Variants in RELB observed in about 807,000 individuals in gnomAD.
RELB encodes transcription factor RelB.
A neutral mutation model predicts 55.4 loss-of-function variants in RELB; 14 were observed. The ratio of observed to expected loss-of-function variants is 0.25; its 90% CI spans 0.17 to 0.40. The LOEUF is 0.40. Among genes scored for constraint, RELB ranks in the 10% least tolerant of loss-of-function variants. The probability of loss-of-function intolerance (pLI) is 1.00; values close to 1 mark genes in which losing one functional copy is unlikely to be tolerated. For missense variants in RELB, 669 were observed against 830.7 expected (o/e 0.81, Z 2.39); for synonymous variants, 409 against 371.3 (o/e 1.10, Z -1.17).
At position 45,012,047 on chromosome 19, in the gene RELB, C is replaced by G; in HGVS notation, c.275C>G (p.Thr92Arg). Residue 92 changes from threonine to arginine, a missense_variant, in exon 4 of 12, where the codon ACG (threonine) becomes AGG (arginine). This residue lies in a region of RELB where 323 missense variants were observed against 368.5 expected (regional missense o/e 0.88). Coordinates refer to ENST00000221452, the MANE Select transcript of RELB (RefSeq NM_006509.4). Reference protein sequence around the residue: ...LVSRGAASLSTVTLGPVAPPA... With the variant: ...LVSRGAASLSRVTLGPVAPPA... Reference sequence around the variant, plus strand: ...TCTCGCGGGGCTGCGTCCCTGAGCACGGTCACCCTGGGCCCTGTGGCGCCC... The same window carrying G: ...TCTCGCGGGGCTGCGTCCCTGAGCAGGGTCACCCTGGGCCCTGTGGCGCCC... 1 of 1,566,318 alleles carries G rather than the reference C, an allele frequency of 6.4e-7. No individual in the cohort carries two copies. Among genetic ancestry groups the G allele is most frequent in the Non-Finnish European group, 8.6e-7 (1 of 1,159,504 alleles).
At chr19:45,016,735 T>C (rs1971424754) in intron 4 of RELB, among the ~76,000 whole-genome samples, 1 of 152,168 alleles carries the variant, frequency 6.6e-6, no homozygotes, top group African/African-American at 2.4e-5. Context: ...TGCATGCCTG[T>C]AAGCCCAGAT....
At chr19:45,016,608 G>A (rs1202879511) in intron 4 of RELB, among the ~76,000 whole-genome samples, 1 of 152,104 alleles carries the variant, frequency 6.6e-6, no homozygotes, top group East Asian at 1.9e-4. Context: ...GGGTATTACA[G>A]TTATGGGAAA....
At chr19:45,005,467 T>C (rs1971271288) in intron 2 of RELB, among the ~76,000 whole-genome samples, 1 of 152,182 alleles carries the variant, frequency 6.6e-6, no homozygotes. Flanking sequence ...TCTGGAGATA[T>C]AATCTTGGGA....
At chr19:45,012,303 G>A in intron 4 of RELB, 27 bp downstream of exon 4, 2 of 1,341,506 alleles carry the variant, frequency 1.5e-6, no homozygotes, top group South Asian at 1.8e-5. Flanking sequence ...GCCCCGGGCG[G>A]GTGGGACTGG....
intron 2 of RELB, chr19:45,003,639 T>C: frequency 5.8e-6 from 3 of 515,800 alleles, no homozygotes; most frequent in Non-Finnish European, 1.2e-5. Context: ...CCTCCCTGTG[T>C]GAATGTCTGC....
intron 3 of RELB, among the ~76,000 whole-genome samples, chr19:45,010,585 C>T (rs967478759): frequency 8.5e-5 from 13 of 152,092 alleles, no homozygotes; most frequent in African/African-American, 2.4e-4. Flanking sequence ...AGATAACATA[C>T]GAGCTGAGAC....
At chr19:45,020,312 G>T (rs1056489741) in intron 4 of RELB, among the ~76,000 whole-genome samples, 3 of 147,922 alleles carry the variant, frequency 2.0e-5, no homozygotes, top group Non-Finnish European at 3.0e-5. Context: ...CAACTTCCAC[G>T]TCTCAGGCTT....
At chr19:45,034,089 G>A (rs1398633634) in intron 9 of RELB, among the ~76,000 whole-genome samples, 155 bp from the exon 10 acceptor site, 1 of 152,028 alleles carries the variant, frequency 6.6e-6, no homozygotes, top group Admixed American at 6.6e-5. Flanking sequence ...AACCTGGCAG[G>A]CAGAGGTTGC....
At chr19:45,035,575 C>T (rs980559682) in intron 11 of RELB, among the ~76,000 whole-genome samples, 1 of 151,994 alleles carries the variant, frequency 6.6e-6, no homozygotes, top group Non-Finnish European at 1.5e-5. Context: ...CGCCTGTAAT[C>T]CCAGCACTTT....
Position 45,011,973 on chromosome 19 carries a change from C to G in RELB, c.201C>G (p.Gly67=), listed in dbSNP as rs772255221. The change falls in exon 4 of 12, where the codon GGC becomes GGG. Residue 67 remains glycine, a synonymous_variant. Transcript: ENST00000221452. The part of the protein sequence containing the change: ...IDEYIKENGF[G]LDGGQPGPGE... ...AGTACATCAAGGAGAACGGCTTCGG[C>G]CTGGACGGGGGACAGCCGGGCCCGG... The G allele has an allele frequency of 6.4e-6, 10 of 1,566,076 alleles. No individual in the cohort carries two copies. The highest frequency in any genetic ancestry group is 7.7e-6 in the Non-Finnish European group (9 of 1,162,052).
At chr19:45,032,947 G>A (rs1402315069) in intron 9 of RELB, among the ~76,000 whole-genome samples, 198 bp downstream of exon 9, 1 of 152,166 alleles carries the variant, frequency 6.6e-6, no homozygotes, top group Non-Finnish European at 1.5e-5. Flanking sequence ...GTGCAAAATG[G>A]AAATAATAGT....
rs1028634671 is a variant in RELB, at chr19:45,021,996, T to C, written c.505-57T>C. 4 of 1,530,800 alleles carry C rather than the reference T, an allele frequency of 2.6e-6. No individual in the cohort carries two copies. In the African/African-American group the frequency reaches 5.5e-5, roughly 21 times the overall value. The allele number at this position is 1,530,800 out of a possible 1,614,324, so 94.8% of individuals were successfully genotyped here. ...GCTGCCAAGGAAGGCCCCAAGGAGT[T>C]TGGATGGACGCAGGCATCGGTGATG... On this transcript the variant is annotated intron_variant, in intron 4 of 11. Coordinates refer to ENST00000221452, the MANE Select transcript of RELB (RefSeq NM_006509.4).
At chr19:45,023,550 G>C (rs575321102) in intron 5 of RELB, among the ~76,000 whole-genome samples, 2 of 151,564 alleles carry the variant, frequency 1.3e-5, no homozygotes, top group East Asian at 3.9e-4. Context: ...TGATTCTCCT[G>C]CCTCAGCCTC....
At chr19:45,003,743 T>C (rs1971244229) in intron 2 of RELB, among the ~76,000 whole-genome samples, 1 of 151,586 alleles carries the variant, frequency 6.6e-6, no homozygotes, top group Non-Finnish European at 1.5e-5. Context: ...GAGTATTCAA[T>C]GAATTGATAC....
intron 2 of RELB, among the ~76,000 whole-genome samples, chr19:45,005,517 CG>C (rs1158114974): frequency 2.0e-5 from 3 of 152,080 alleles, no homozygotes; most frequent in African/African-American, 7.2e-5. Context: ...GAAGTGAGGC[CG>C]GTTCCCCAAC....
At chr19:45,014,665 G>A (rs943423256) in intron 4 of RELB, among the ~76,000 whole-genome samples, 15 of 150,284 alleles carry the variant, frequency 1.0e-4, no homozygotes, top group African/African-American at 3.7e-4. Context: ...TTACAGGCAC[G>A]CGCCATGATG....
intron 4 of RELB, among the ~76,000 whole-genome samples, chr19:45,021,193 G>A (rs780155465): frequency 6.6e-6 from 1 of 151,722 alleles, no homozygotes; most frequent in African/African-American, 2.4e-5. Context: ...TTTAAAAAAG[G>A]CCAGGCACGG....
Position 45,032,402 on chromosome 19 carries a change from G to C in RELB, c.992-132G>C, listed in dbSNP as rs35154075. The C allele has an allele frequency of 6.7e-3, 4,594 of 688,742 alleles. 167 individuals are homozygous for C. In the African/African-American group the frequency reaches 0.075, roughly 11 times the overall value. 42.7% of individuals were successfully genotyped at this position (688,742 alleles called of 1,614,324 possible). The stretch of plus-strand genomic sequence containing the variant: ...CCATTGCACTCCAGCCTGGGCAACA[G>C]AGCAAGACTCTCAAAAAAAAAAAAT... On this transcript the variant is annotated intron_variant, in intron 8 of 11. Coordinates refer to ENST00000221452, the MANE Select transcript of RELB (RefSeq NM_006509.4).
In RELB at chr19:45,034,236, C is replaced by A. The variant is rs1971659842; in HGVS notation, c.1208-8C>A. Reference sequence around the variant, plus strand: ...ACTTCTTGTGTGTCCCTGGTATCTCCTTAACAGACAGCTACGGCGTGGACA... The same window carrying A: ...ACTTCTTGTGTGTCCCTGGTATCTCATTAACAGACAGCTACGGCGTGGACA... On this transcript the variant is annotated splice_polypyrimidine_tract_variant and splice_region_variant and intron_variant, in intron 9 of 11. Transcript: ENST00000221452. The A allele has an allele frequency of 6.2e-7, 1 of 1,611,720 alleles. No individual in the cohort carries two copies. The highest frequency in any genetic ancestry group is 8.5e-7 in the Non-Finnish European group (1 of 1,177,976).
Sources: gnomAD v4.1 joint callset for allele counts (sites outside exome capture counted in the v4.1 genomes callset) on GRCh38, gnomAD v4.1.1 for gene constraint, gnomAD v4.1.1 regional missense constraint, MANE v1.5 for transcripts, NCBI Gene and HGNC (gene_info 2026-07-23, HGNC 2026-07-21) for gene names.